Variants in LCP1 observed in about 807,000 individuals in gnomAD.
LCP1 encodes plastin-2.
Under a neutral mutation model 72.0 loss-of-function variants are expected in LCP1, and 23 were observed. The ratio of observed to expected loss-of-function variants is 0.32; its 90% confidence interval spans 0.23 to 0.45. The LOEUF (loss-of-function observed/expected upper bound fraction) is 0.45. LCP1 is among the 20% of genes least tolerant of loss of function. The pLI is 1.00. For missense variants in LCP1, 571 were observed against 748.3 expected (o/e 0.76, Z 2.76); for synonymous variants, 245 against 275.4 (o/e 0.89, Z 1.09).
chr13:46,126,675 A>G lies in LCP1; in HGVS notation c.*916T>C, dbSNP rs1375502599. 4.3e-6 allele frequency: 1 copy of G among 231,762 alleles called. No individual in the cohort carries two copies. Among genetic ancestry groups the G allele is most frequent in the Non-Finnish European group, 8.5e-6 (1 of 117,036 alleles). The allele number at this position is 231,762 out of a possible 1,614,324, so 14.4% of individuals were successfully genotyped here. ...TAGCCATACCACAGTAACTAGATCT[A>G]ATGTGAGGGCTAAATGCCTGGAGAG... On this transcript the variant is annotated 3_prime_UTR_variant, in exon 16 of 16. Coordinates refer to ENST00000323076, the MANE Select transcript of LCP1 (RefSeq NM_002298.5).
At chr13:46,144,641 T>C (rs2045719157) in intron 10 of LCP1, 121 bp from the exon 11 acceptor site, 1 of 700,796 alleles carries the variant, frequency 1.4e-6, no homozygotes, top group South Asian at 1.6e-5. Flanking sequence ...AGAAATAAAA[T>C]AAACTGTATT....
At chr13:46,156,596 C>G (rs773872781) in intron 4 of LCP1, 26 bp from the exon 5 acceptor site, 2 of 1,613,708 alleles carry the variant, frequency 1.2e-6, no homozygotes, top group Non-Finnish European at 8.5e-7. Context: ...TAAAGTGACT[C>G]ATTTGCAAAG....
chr13:46,169,922 T>C (rs996079795), intron 1 of LCP1, among the ~76,000 whole-genome samples: 1 of 152,178 alleles, frequency 6.6e-6, no homozygotes. Flanking sequence ...ATCATCATGG[T>C]TTCAGGCATC....
At chr13:46,149,880 C>G (rs1416240507) in intron 8 of LCP1, among the ~76,000 whole-genome samples, 2 of 152,204 alleles carry the variant, frequency 1.3e-5, no homozygotes, top group African/African-American at 4.8e-5. Context: ...ACAGCCAGCT[C>G]CTGTTAAAAC....
chr13:46,155,003 T>C (rs765636058), intron 5 of LCP1, 117 bp from the exon 6 acceptor site: 17 of 764,868 alleles, frequency 2.2e-5, no homozygotes, highest in Non-Finnish European at 3.7e-5. Context: ...GAATCTGTGA[T>C]GTTTAGATAT....
chr13:46,140,784 T>C (rs2045692729), intron 13 of LCP1, among the ~76,000 whole-genome samples: 1 of 152,176 alleles, frequency 6.6e-6, no homozygotes. Context: ...AAAATTTCTA[T>C]ACATGGAAAC....
At position 46,143,339 on chromosome 13, in the gene LCP1, T is replaced by C. The variant is rs148313135; in HGVS notation, c.1319A>G (p.Asn440Ser). Residue 440 changes from asparagine to serine, a missense_variant, in exon 12 of 16, where the codon AAC (asparagine) becomes AGC (serine). Coordinates refer to ENST00000323076, the MANE Select transcript of LCP1 (RefSeq NM_002298.5). ...GGGGTATGGCGGTTTGTTTACTCTG[T>C]TCCAGTCAACAGGAACTTTGATCTT... Reference protein sequence around the residue: ...YEKIKVPVDWNRVNKPPYPKL... With the variant: ...YEKIKVPVDWSRVNKPPYPKL... 20 of 1,614,098 alleles carry C rather than the reference T, an allele frequency of 1.2e-5. No individual in the cohort carries two copies. In the African/African-American group the frequency reaches 2.4e-4, roughly 19 times the overall value.
chr13:46,146,379 G>A (rs1021668012), intron 10 of LCP1, among the ~76,000 whole-genome samples: 2 of 152,144 alleles, frequency 1.3e-5, no homozygotes, highest in African/African-American at 4.8e-5. Flanking sequence ...CTGGTAGAAC[G>A]TAATTAAAGC....
At position 46,148,456 on chromosome 13, in the gene LCP1, A is replaced by C. The variant is rs1056333310; in HGVS notation, c.883-9T>G. 6.4e-7 allele frequency: 1 copy of C among 1,570,438 alleles called. No individual in the cohort carries two copies. Among genetic ancestry groups the C allele is most frequent in the Non-Finnish European group, 8.7e-7 (1 of 1,148,774 alleles). ...TAATAAGCTTTTGAGTCCTGTGAGA[A>C]ATTAAGAAATTCCAATTTCAAAATA... On this transcript the variant is annotated splice_polypyrimidine_tract_variant and intron_variant, in intron 8 of 15. Coordinates refer to ENST00000323076, the MANE Select transcript of LCP1 (RefSeq NM_002298.5).
chr13:46,128,490 C>T (rs1322916411), intron 15 of LCP1, among the ~76,000 whole-genome samples: 2 of 151,990 alleles, frequency 1.3e-5, no homozygotes, highest in African/African-American at 2.4e-5. Context: ...CCCAGCTACT[C>T]AGGAGGCTGA....
intron 1 of LCP1, among the ~76,000 whole-genome samples, chr13:46,162,265 C>T (rs1348590197): frequency 1.7e-5 from 2 of 114,712 alleles, no homozygotes; most frequent in African/African-American, 3.4e-5. Flanking sequence ...CCCTCCCCCT[C>T]CCTCCCCCTC....
At chr13:46,162,331 G>T (rs908034555) in intron 1 of LCP1, among the ~76,000 whole-genome samples, 1 of 133,962 alleles carries the variant, frequency 7.5e-6, no homozygotes, top group African/African-American at 2.9e-5. Flanking sequence ...CTCTTTCCAC[G>T]TTCTCCCTCT....
intron 14 of LCP1, among the ~76,000 whole-genome samples, chr13:46,133,447 GA>G (rs2138218858): frequency 6.6e-6 from 1 of 152,150 alleles, no homozygotes; most frequent in Admixed American, 6.5e-5. Flanking sequence ...GCCACATAGT[GA>G]GACCTCATTT....
intron 1 of LCP1, among the ~76,000 whole-genome samples, chr13:46,176,556 T>C (rs1300998102): frequency 6.6e-6 from 1 of 152,204 alleles, no homozygotes; most frequent in East Asian, 1.9e-4. Context: ...GTGTATCCTT[T>C]TACTTCACAC....
At chr13:46,157,557 T>G (rs909544067) in intron 4 of LCP1, among the ~76,000 whole-genome samples, 1 of 152,128 alleles carries the variant, frequency 6.6e-6, no homozygotes, top group Non-Finnish European at 1.5e-5. Flanking sequence ...TTGAAAACAG[T>G]AGTGTCCCTC....
intron 7 of LCP1, among the ~76,000 whole-genome samples, chr13:46,152,567 A>G (rs181069071): frequency 1.3e-4 from 20 of 152,354 alleles, no homozygotes; most frequent in Admixed American, 9.8e-4. Context: ...CCAAACAAAC[A>G]TTATTGTTAG....
In LCP1 at chr13:46,154,888, T is replaced by C; in HGVS notation, c.492-2A>G. 6.2e-7 allele frequency: 1 copy of C among 1,611,888 alleles called. No homozygotes were observed. The highest frequency in any genetic ancestry group is 8.5e-7 in the Non-Finnish European group (1 of 1,178,000). On this transcript the variant is annotated splice_acceptor_variant, in intron 5 of 15. Transcript: ENST00000323076. LOFTEE classifies it high-confidence loss of function. ...GGCACTGACAGGTTGATCATTTTAC[T>C]GAAAGAGAAACAATTAAATTAAAGA...
intron 1 of LCP1, among the ~76,000 whole-genome samples, chr13:46,163,838 C>G (rs752039154): frequency 2.0e-5 from 3 of 152,198 alleles, no homozygotes; most frequent in Non-Finnish European, 4.4e-5. Context: ...ATCCTTGTGA[C>G]TAACTTGGCT....
chr13:46,172,583 C>G (rs1356279990), intron 1 of LCP1, among the ~76,000 whole-genome samples: 3 of 152,120 alleles, frequency 2.0e-5, no homozygotes, highest in Admixed American at 6.5e-5. Context: ...TTGGGTGTGG[C>G]TACAGACAGG....
Sources: allele counts gnomAD v4.1 joint callset (sites outside exome capture counted in the v4.1 genomes callset), GRCh38; gene constraint gnomAD v4.1.1; transcripts MANE v1.5; gene names NCBI Gene and HGNC (gene_info 2026-07-23, HGNC 2026-07-21).